ITGA8: variants seen among roughly 807,000 people sequenced by gnomAD.
ITGA8 encodes integrin alpha-8.
In ITGA8, 91 loss-of-function variants were observed where a neutral mutation model predicts 142.3. That is an observed-to-expected ratio of 0.64 (90% CI 0.54 to 0.76). ITGA8 has a LOEUF of 0.76. ITGA8 is among the 30% of genes least tolerant of loss of function. The pLI is 0.00. For missense variants in ITGA8, 1,406 were observed against 1,327.7 expected (o/e 1.06, Z -0.92); for synonymous variants, 505 against 485.2 (o/e 1.04, Z -0.54).
At chr10:15,578,694 G>A (rs1432695478) in intron 23 of ITGA8, among the ~76,000 whole-genome samples, 2 of 152,018 alleles carry the variant, frequency 1.3e-5, no homozygotes, top group African/African-American at 2.4e-5. Flanking sequence ...TACCTGCTGT[G>A]GATGGTATCC....
chr10:15,719,493 C>A, intron 1 of ITGA8, 70 bp downstream of exon 1: 1 of 1,399,456 alleles, frequency 7.1e-7, no homozygotes. Context: ...GACTCCGCGG[C>A]AGAGCCGCTG....
chr10:15,561,784 T>A (rs1020767811), intron 25 of ITGA8, among the ~76,000 whole-genome samples: 1 of 152,072 alleles, frequency 6.6e-6, no homozygotes, highest in East Asian at 1.9e-4. Flanking sequence ...GGTGGGGTGG[T>A]GTATTAGTCC....
intron 27 of ITGA8, among the ~76,000 whole-genome samples, chr10:15,542,413 C>T (rs1421632006): frequency 2.6e-5 from 4 of 152,060 alleles, no homozygotes; most frequent in African/African-American, 9.7e-5. Flanking sequence ...TTTAAATAGC[C>T]ACACATGACT....
At chr10:15,566,917 G>A (rs1388095760) in intron 25 of ITGA8, among the ~76,000 whole-genome samples, 3 of 140,602 alleles carry the variant, frequency 2.1e-5, no homozygotes, top group Non-Finnish European at 3.1e-5. Context: ...CACTGCACCC[G>A]GCCTCTGAGG....
In ITGA8 at chr10:15,639,056, G is replaced by A. The variant is rs372864803; in HGVS notation, c.1399+4974C>T. Among the ~76,000 whole-genome samples, 4 of 152,096 alleles carry A rather than the reference G, an allele frequency of 2.6e-5. No homozygotes were observed. In the East Asian group the frequency reaches 7.8e-4, roughly 29 times the overall value. On this transcript the variant is annotated intron_variant, in intron 13 of 29. Coordinates refer to ENST00000378076, the MANE Select transcript of ITGA8 (RefSeq NM_003638.3). ...AGGTAAGAGGATCGCTAGAGCCCAG[G>A]AGTTTGAGGCTGCAGTGAGCTATGA...
intron 10 of ITGA8, among the ~76,000 whole-genome samples, chr10:15,656,283 C>T (rs1055225980): frequency 6.6e-6 from 1 of 152,118 alleles, no homozygotes; most frequent in African/African-American, 2.4e-5. Flanking sequence ...CAATTTGTAT[C>T]GTGCTCATAG....
At chr10:15,555,560 C>T (rs989154931) in intron 26 of ITGA8, among the ~76,000 whole-genome samples, 1 of 152,192 alleles carries the variant, frequency 6.6e-6, no homozygotes, top group Non-Finnish European at 1.5e-5. Context: ...GGGATGAACC[C>T]AGTCTGGAGA....
At chr10:15,561,024 G>A (rs1424284617) in intron 25 of ITGA8, among the ~76,000 whole-genome samples, 2 of 151,704 alleles carry the variant, frequency 1.3e-5, no homozygotes, top group African/African-American at 2.4e-5. Context: ...CTCCCAAATA[G>A]CTAGGACTAC....
chr10:15,684,543 T>G (rs1036940514), intron 3 of ITGA8, among the ~76,000 whole-genome samples: 2 of 151,946 alleles, frequency 1.3e-5, no homozygotes, highest in Non-Finnish European at 2.9e-5. Flanking sequence ...ATTTGTTTTG[T>G]TTTGTTTTTT....
chr10:15,532,041 G>A (rs1833310465), intron 27 of ITGA8, among the ~76,000 whole-genome samples: 1 of 136,948 alleles, frequency 7.3e-6, no homozygotes, highest in East Asian at 2.0e-4. Context: ...GAGTTAGGGT[G>A]GGGGTGGGGG....
chr10:15,607,202 G>A lies in ITGA8; in HGVS notation c.1764+475C>T, dbSNP rs144320845. Among the ~76,000 whole-genome samples, 790 of 152,138 alleles carry A rather than the reference G, an allele frequency of 5.2e-3. 6 individuals carry two copies. Among genetic ancestry groups the A allele is most frequent in the African/African-American group, 0.018 (740 of 41,496 alleles). On this transcript the variant is annotated intron_variant, in intron 17 of 29. Transcript: ENST00000378076. ...ATAAATATTTTTACTTTAAAATTTC[G>A]GTAGGTTTTGAAGTCATTGTAAAAA...
At chr10:15,650,441 G>T (rs10904606) in intron 11 of ITGA8, among the ~76,000 whole-genome samples, 74,820 of 151,892 alleles carry the variant, frequency 0.49, 19,381 homozygotes, top group South Asian at 0.67. Flanking sequence ...CCCCAAAATG[G>T]GACTTGTGGA....
chr10:15,622,665 A>T (rs1431289123), intron 13 of ITGA8, among the ~76,000 whole-genome samples: 2 of 152,204 alleles, frequency 1.3e-5, no homozygotes, highest in Non-Finnish European at 1.5e-5. Context: ...AAATGTTTAT[A>T]ATGTATATGC....
At chr10:15,652,359 G>C (rs888754462) in intron 11 of ITGA8, among the ~76,000 whole-genome samples, 1 of 152,136 alleles carries the variant, frequency 6.6e-6, no homozygotes, top group Non-Finnish European at 1.5e-5. Flanking sequence ...GAATGAATCC[G>C]TGCAGCAGGG....
chr10:15,553,259 G>GA (rs201769101), intron 26 of ITGA8, among the ~76,000 whole-genome samples: 21 of 139,406 alleles, frequency 1.5e-4, no homozygotes, highest in Non-Finnish European at 2.6e-4. Flanking sequence ...TCTATCTCAA[G>GA]AAAAAAAAAA....
At chr10:15,607,626 G>C in intron 17 of ITGA8, 51 bp downstream of exon 17, 5 of 1,551,884 alleles carry the variant, frequency 3.2e-6, no homozygotes, top group South Asian at 2.2e-5. Flanking sequence ...AAAATGGTTG[G>C]AATTTGGATA....
chr10:15,696,050 C>A (rs1352947170), intron 2 of ITGA8, among the ~76,000 whole-genome samples: 1 of 152,226 alleles, frequency 6.6e-6, no homozygotes, highest in Non-Finnish European at 1.5e-5. Context: ...AATGTGCTTT[C>A]TGTTTTCCTA....
intron 7 of ITGA8, 114 bp from the exon 8 acceptor site, chr10:15,671,761 C>T (rs1834525177): frequency 1.5e-6 from 1 of 653,564 alleles, no homozygotes; most frequent in African/African-American, 1.9e-5. Context: ...GAAACCTCTA[C>T]AAATATTATA....
At chr10:15,606,526 TG>T in intron 17 of ITGA8, 104 bp from the exon 18 acceptor site, 1 of 1,115,904 alleles carries the variant, frequency 9.0e-7, no homozygotes, top group Non-Finnish European at 1.3e-6. Context: ...TGAAAGTGAA[TG>T]ATGAAACAAT....
Sources: allele counts gnomAD v4.1 joint callset (sites outside exome capture counted in the v4.1 genomes callset), GRCh38; gene constraint gnomAD v4.1.1; transcripts MANE v1.5; gene names NCBI Gene and HGNC (gene_info 2026-07-23, HGNC 2026-07-21).